Variants in THSD1 observed in about 807,000 individuals in gnomAD.
The protein encoded by THSD1 is thrombospondin type 1 domain containing 1.
Under a neutral mutation model 46.3 loss-of-function variants are expected in THSD1, and 34 were observed. The ratio of observed to expected loss-of-function variants is 0.74; its 90% CI spans 0.56 to 0.98. THSD1 has a LOEUF of 0.98. Ranked by LOEUF, THSD1 falls within the 50% of genes least tolerant of loss-of-function variation. The pLI, the probability that THSD1 is intolerant of heterozygous loss-of-function variation, is 0.00. For missense variants in THSD1, 1,023 were observed against 1,058.3 expected (o/e 0.97, Z 0.46); for synonymous variants, 407 against 416.5 (o/e 0.98, Z 0.28).
At chr13:52,388,195 T>C (rs1957747933) in intron 3 of THSD1, among the ~76,000 whole-genome samples, 1 of 150,934 alleles carries the variant, frequency 6.6e-6, no homozygotes, top group South Asian at 2.1e-4. Flanking sequence ...AAAAAAAATA[T>C]ATATGTATAT....
rs1289596535 is a variant in THSD1, at chr13:52,398,374, G to C, written c.59-180C>G. On this transcript the variant is annotated intron_variant, in intron 2 of 4. Coordinates refer to ENST00000258613, the MANE Select transcript of THSD1 (RefSeq NM_018676.4). ...TACCCCTAACATCTTGGGCTCAAGC[G>C]ATCTCCCACCTCGCCCTCACGAATA... 4.4e-6 allele frequency: 3 copies of C among 681,494 alleles called. No individual in the cohort carries two copies. The African/African-American group carries it at 5.9e-5, about 13-fold the overall frequency. The allele number at this position is 681,494 out of a possible 1,614,324, so 42.2% of individuals were successfully genotyped here. A position where few individuals can be genotyped will look rare whatever the true frequency, so the allele number is the denominator to read the frequency against.
At position 52,392,516 on chromosome 13, in the gene THSD1, G is replaced by A. The variant is rs74085759; in HGVS notation, c.1021+4716C>T. Reference sequence around the variant, plus strand: ...AATACTCCAAATAGTCCTACTTCACGAATGAAAAGCTGTTTTGTTTTGTCT... The same window carrying A: ...AATACTCCAAATAGTCCTACTTCACAAATGAAAAGCTGTTTTGTTTTGTCT... On this transcript the variant is annotated intron_variant, in intron 3 of 4. Coordinates refer to ENST00000258613, the MANE Select transcript of THSD1 (RefSeq NM_018676.4). Among the ~76,000 whole-genome samples the A allele has an allele frequency of 4.0e-3, 608 of 152,294 alleles. 3 individuals are homozygous for A. Among genetic ancestry groups the A allele is most frequent in the African/African-American group, 0.012 (511 of 41,568 alleles).
rs374121166 is a variant in THSD1 at position 52,386,268 on chromosome 13, T to C, written c.1022-82A>G. The C allele has an allele frequency of 2.3e-5, 33 of 1,452,770 alleles. No individual in the cohort carries two copies. The East Asian group carries it at 6.3e-4, about 28-fold the overall frequency. 90.0% of individuals were successfully genotyped at this position (1,452,770 alleles called of 1,614,324 possible). A position where few individuals can be genotyped will look rare whatever the true frequency, so the allele number is the denominator to read the frequency against. Reference sequence around the variant, plus strand: ...CTGCACCCAAATGAAACAGCAAAACTCAAATCTCAGGTCTTGAAAAGCCCG... The same window carrying C: ...CTGCACCCAAATGAAACAGCAAAACCCAAATCTCAGGTCTTGAAAAGCCCG... On this transcript the variant is annotated intron_variant, in intron 3 of 4. Coordinates refer to ENST00000258613, the MANE Select transcript of THSD1 (RefSeq NM_018676.4).
In THSD1 at chr13:52,377,677, G is replaced by C. The variant is rs746233250; in HGVS notation, c.2293C>G (p.Pro765Ala). Residue 765 changes from proline to alanine, a missense_variant, in exon 5 of 5, where the codon CCC (proline) becomes GCC (alanine). Physicochemically the swap from Pro to Ala is conservative, Grantham distance 27. Around this residue, in one of 3 missense-constraint regions of THSD1, gnomAD observed 578 missense variants for 497.4 expected, o/e 1.16. Coordinates refer to ENST00000258613, the MANE Select transcript of THSD1 (RefSeq NM_018676.4). ...EPHRARRGPS[P>A]SHKSVSRKQS... ...TTCCTTGAGACACTCTTGTGACTGG[G>C]GGACGGTCCCCGACGAGCTCTGTGG... 8.7e-6 allele frequency: 14 copies of C among 1,610,056 alleles called. No individual in the cohort carries two copies. In the South Asian group the frequency reaches 1.5e-4, roughly 18 times the overall value.
intron 3 of THSD1, among the ~76,000 whole-genome samples, chr13:52,393,515 G>A (rs1321880793): frequency 6.6e-6 from 1 of 151,924 alleles, no homozygotes; most frequent in Non-Finnish European, 1.5e-5. Flanking sequence ...AAAATTAGCC[G>A]GGCATGGCAG....
At chr13:52,398,460 T>G (rs1281998988) in intron 2 of THSD1, 7 of 856,598 alleles carry the variant, frequency 8.2e-6, no homozygotes, top group African/African-American at 1.8e-5. Context: ...GAGACTGGTT[T>G]CAAACTCTTG....
chr13:52,388,511 T>C (rs535580887), intron 3 of THSD1, among the ~76,000 whole-genome samples: 2 of 152,342 alleles, frequency 1.3e-5, no homozygotes, highest in African/African-American at 4.8e-5. Flanking sequence ...AGAGTTTCAC[T>C]CTTGTTGCCC....
chr13:52,388,142 T>C (rs1261500360), intron 3 of THSD1, among the ~76,000 whole-genome samples: 2 of 151,210 alleles, frequency 1.3e-5, no homozygotes, highest in Non-Finnish European at 2.9e-5. Flanking sequence ...TAAGAGAATG[T>C]CATCTCTAAA....
Position 52,402,849 on chromosome 13 carries a change from C to T in THSD1, c.-81-168G>A, listed in dbSNP as rs537553366. On this transcript the variant is annotated intron_variant, in intron 1 of 4. Transcript: ENST00000258613. The stretch of plus-strand genomic sequence containing the variant: ...GGCAATGACTTATAATTATACAAGC[C>T]TTTTTCATTCCATTATAACTCACAG... 5.1e-6 allele frequency: 5 copies of T among 981,886 alleles called. No individual in the cohort carries two copies. The East Asian group carries it at 4.5e-4, about 89-fold the overall frequency. 60.8% of individuals were successfully genotyped at this position (981,886 alleles called of 1,614,324 possible). A position where few individuals can be genotyped will look rare whatever the true frequency, so the allele number is the denominator to read the frequency against.
intron 3 of THSD1, among the ~76,000 whole-genome samples, chr13:52,395,133 A>G (rs985111116): frequency 6.6e-6 from 1 of 152,204 alleles, no homozygotes; most frequent in Admixed American, 6.5e-5. Flanking sequence ...TGCCTAGTGA[A>G]ATGACAGGTT....
At position 52,378,465 on chromosome 13, in the gene THSD1, C is replaced by T. The variant is rs753290492; in HGVS notation, c.1505G>A (p.Gly502Glu). The T allele has an allele frequency of 6.8e-6, 11 of 1,614,180 alleles. No homozygotes were observed. In the African/African-American group the frequency reaches 1.3e-4, roughly 20 times the overall value. ...GGCATCATCCTCGGGAGGTACCGGC[C>T]CGCTCCGCCTGTAGGTCAGAGGGAT... ...TGIPLTYRRSGPVPPEDDASG... is the reference protein window; with the variant it reads ...TGIPLTYRRSEPVPPEDDASG... Residue 502 changes from glycine (G) to glutamate (E), a missense_variant, in exon 5 of 5, where the codon GGG (glycine) becomes GAG (glutamate). Gly to Glu is a moderately conservative substitution (Grantham distance 98, BLOSUM62 -2). Around this residue, in one of 3 missense-constraint regions of THSD1, gnomAD observed 578 missense variants for 497.4 expected, o/e 1.16. Coordinates refer to ENST00000258613, the MANE Select transcript of THSD1 (RefSeq NM_018676.4).
At chr13:52,388,317 T>C (rs1026431302) in intron 3 of THSD1, among the ~76,000 whole-genome samples, 1 of 152,104 alleles carries the variant, frequency 6.6e-6, no homozygotes, top group African/African-American at 2.4e-5. Flanking sequence ...AAGAAATCCT[T>C]TGGGCAGAAA....
intron 1 of THSD1, among the ~76,000 whole-genome samples, chr13:52,405,012 C>G (rs899293080): frequency 2.6e-5 from 4 of 152,148 alleles, no homozygotes; most frequent in African/African-American, 9.7e-5. Context: ...TTCTACCTTG[C>G]TTATTTTCTT....
intron 3 of THSD1, among the ~76,000 whole-genome samples, chr13:52,396,615 G>T (rs1957814303): frequency 6.6e-6 from 1 of 152,184 alleles, no homozygotes; most frequent in Non-Finnish European, 1.5e-5. Context: ...TTTCCCCCAA[G>T]AAAAGGGAAA....
intron 4 of THSD1, 146 bp from the exon 5 acceptor site, chr13:52,378,935 T>C: frequency 1.1e-6 from 1 of 918,440 alleles, no homozygotes; most frequent in Non-Finnish European, 1.5e-6. Flanking sequence ...TGATCTCGGC[T>C]CATTGCAACC....
At chr13:52,405,389 TC>T (rs1172811576) in intron 1 of THSD1, among the ~76,000 whole-genome samples, 1 of 152,244 alleles carries the variant, frequency 6.6e-6, no homozygotes, top group Non-Finnish European at 1.5e-5. Context: ...AGTTATTTTG[TC>T]CCTTCTGACC....
chr13:52,396,720 A>T (rs1957814978), intron 3 of THSD1, among the ~76,000 whole-genome samples: 1 of 152,110 alleles, frequency 6.6e-6, no homozygotes, highest in South Asian at 2.1e-4. Flanking sequence ...ACAGAATCCC[A>T]ATACATTTTT....
rs781192599 is a variant in THSD1, at chr13:52,397,687, C to T, written c.566G>A (p.Arg189Lys). ...AGCAAGTTCTGTCCTTTTGCTGGTT[C>T]TTATTTCCAGCGGCTGTCTTGAATT... Reference protein sequence around the residue: ...RRNSRQPLEIRTSKRTELAQG... With the variant: ...RRNSRQPLEIKTSKRTELAQG... The change falls in exon 3 of 5, where the codon AGA becomes AAA. Residue 189 changes from arginine to lysine, a missense_variant. Coordinates refer to ENST00000258613, the MANE Select transcript of THSD1 (RefSeq NM_018676.4). 8.1e-6 allele frequency: 13 copies of T among 1,614,112 alleles called. No individual in the cohort carries two copies. The highest frequency in any genetic ancestry group is 1.1e-5 in the Non-Finnish European group (13 of 1,180,062).
chr13:52,379,624 GCCACCA>G (rs1218897318), intron 4 of THSD1, among the ~76,000 whole-genome samples: 2 of 152,000 alleles, frequency 1.3e-5, no homozygotes, highest in African/African-American at 4.8e-5. Flanking sequence ...ATAGGCGCAT[GCCACCA>G]CCCCTGGCTC....
Sources: allele counts gnomAD v4.1 joint callset (sites outside exome capture counted in the v4.1 genomes callset), GRCh38; gene constraint gnomAD v4.1.1; regional missense constraint gnomAD v4.1.1; transcripts MANE v1.5; gene names NCBI Gene and HGNC (gene_info 2026-07-23, HGNC 2026-07-21).